The following STK36 variants were observed in gnomAD, a reference collection of about 807,000 sequenced individuals.
STK36 encodes the protein serine/threonine-protein kinase 36.
Under a neutral mutation model 142.2 loss-of-function variants are expected in STK36, and 116 were observed. The observed-to-expected ratio is 0.82, with a 90% CI of 0.70 to 0.95. STK36 has a LOEUF of 0.95. Among genes scored for constraint, STK36 ranks in the 40% least tolerant of loss-of-function variants. The pLI is 0.00. For synonymous variants in STK36, 619 were observed against 641.7 expected (o/e 0.96, Z 0.53); for missense variants, 1,422 against 1,617.2 (o/e 0.88, Z 2.07).
At chr2:218,684,133 CAG>C (rs1458683429) in intron 10 of STK36, among the ~76,000 whole-genome samples, 1 of 115,866 alleles carries the variant, frequency 8.6e-6, no homozygotes, top group Non-Finnish European at 1.7e-5. Flanking sequence ...TTTTTTGAGA[CAG>C]AGTTTCACTC....
At position 218,702,472 on chromosome 2, in the gene STK36, TGAG is replaced by T. The variant is rs1452241345; in HGVS notation, c.*465_*467del. 5 of 155,274 alleles carry T rather than the reference TGAG, an allele frequency of 3.2e-5. No homozygotes were observed. The highest frequency in any genetic ancestry group is 7.1e-5 in the Non-Finnish European group (5 of 70,268). The allele number at this position is 155,274 out of a possible 1,614,324, so 9.6% of individuals were successfully genotyped here. A position where few individuals can be genotyped will look rare whatever the true frequency, so the allele number is the denominator to read the frequency against. On this transcript the variant is annotated 3_prime_UTR_variant, in exon 27 of 27. Coordinates refer to ENST00000295709, the MANE Select transcript of STK36 (RefSeq NM_015690.5). ...GATCAATGCCATCAGTCCCTGTTAT[TGAG>T]GGATTATCCCTTAGCCAACATTCCT...
intron 4 of STK36, 51 bp from the exon 5 acceptor site, chr2:218,675,292 A>G (rs199811979): frequency 6.4e-7 from 1 of 1,574,590 alleles, no homozygotes; most frequent in Non-Finnish European, 8.6e-7. Context: ...CTTGTCAGCC[A>G]GCTGCTGTTT....
In STK36 at chr2:218,698,948, A is replaced by C. The variant is rs201218556; in HGVS notation, c.3404A>C (p.His1135Pro). 7.9e-5 allele frequency: 127 copies of C among 1,614,002 alleles called. No homozygotes were observed. The highest frequency in any genetic ancestry group is 1.6e-4 in the Middle Eastern group (1 of 6,084). Residue 1135 changes from histidine (H) to proline (P), a missense_variant, in exon 26 of 27, where the codon CAC (histidine) becomes CCC (proline). His to Pro is a moderately conservative substitution (Grantham distance 77). Around this residue, in one of 2 missense-constraint regions of STK36, gnomAD observed 962 missense variants for 1,167.5 expected, o/e 0.82. Coordinates refer to ENST00000295709, the MANE Select transcript of STK36 (RefSeq NM_015690.5). ...VRAHTYRLLGHLLQHSMALRG... is the reference protein window; with the variant it reads ...VRAHTYRLLGPLLQHSMALRG... ...GCACACACTTATAGGCTCCTGGGAC[A>C]CTTGCTCCAACACAGCATGGCCCTG...
At position 218,694,532 on chromosome 2, in the gene STK36, C is replaced by T. The variant is rs764771500; in HGVS notation, c.2408C>T (p.Ala803Val). 6.2e-7 allele frequency: 1 copy of T among 1,614,132 alleles called. No individual in the cohort carries two copies. Among genetic ancestry groups the T allele is most frequent in the South Asian group, 1.1e-5 (1 of 91,088 alleles). ...HSHVVSLVSA[A>V]ACLLGQLGQQ... ...CTTTTACCTCTCCCACAGAGTGCAG[C>T]AGCCTGTCTATTGGGACAGCTTGGT... The change falls in exon 21 of 27, where the codon GCA (alanine) becomes GTA (valine). Residue 803 changes from alanine to valine, a missense_variant. By Grantham distance (64) the Ala-to-Val change is moderately conservative. Transcript: ENST00000295709. This position sits in a 1 kb window ranked among gnomAD's most constrained non-coding sequence, Gnocchi z 4.4.
At chr2:218,672,443 A>G (rs910743922) in intron 1 of STK36, 19 of 289,446 alleles carry the variant, frequency 6.6e-5, no homozygotes, top group Non-Finnish European at 1.2e-4. Flanking sequence ...TGGGAGTGGC[A>G]GGAACTTGGG....
intron 12 of STK36, among the ~76,000 whole-genome samples, chr2:218,689,488 G>A (rs976939788): frequency 1.7e-4 from 26 of 152,178 alleles, no homozygotes; most frequent in African/African-American, 5.1e-4. Flanking sequence ...TGAGAGGATG[G>A]GGAATGTTTC....
intron 10 of STK36, among the ~76,000 whole-genome samples, chr2:218,681,912 G>A (rs1940537564): frequency 6.6e-6 from 1 of 151,998 alleles, no homozygotes; most frequent in South Asian, 2.1e-4. Context: ...TCAAACCATA[G>A]CAACACTTTT....
chr2:218,683,532 T>C (rs60718430), intron 10 of STK36, among the ~76,000 whole-genome samples: 9,175 of 152,128 alleles, frequency 0.06, 921 homozygotes, highest in African/African-American at 0.21. Context: ...CTCGGCCTCT[T>C]GAAGTGCTGG....
intron 25 of STK36, among the ~76,000 whole-genome samples, chr2:218,698,226 G>A (rs1941309299): frequency 6.6e-6 from 1 of 152,148 alleles, no homozygotes; most frequent in South Asian, 2.1e-4. Context: ...CCATCACCTG[G>A]TTCTGTTGGT....
intron 12 of STK36, 147 bp from the exon 13 acceptor site, chr2:218,689,712 A>G (rs147233221): frequency 5.2e-4 from 340 of 654,688 alleles, no homozygotes; most frequent in Non-Finnish European, 8.0e-4. Context: ...TGTTACCCCT[A>G]GAACTCTCTC....
intron 11 of STK36, among the ~76,000 whole-genome samples, chr2:218,687,224 T>A (rs1015561219): frequency 6.6e-6 from 1 of 152,266 alleles, no homozygotes; most frequent in African/African-American, 2.4e-5. Context: ...TTCTTTCTCA[T>A]AAGAGTGTCT....
Position 218,679,967 on chromosome 2 carries a change from G to A in STK36, c.1023G>A (p.Leu341=). Residue 341 remains leucine, a synonymous_variant, in exon 9 of 27, where the codon CTG becomes CTA. Transcript: ENST00000295709. The stretch of plus-strand genomic sequence containing the variant: ...AGGTGGCTCCTGGCACAGCCCCTCT[G>A]CCCAGACTCGGGGCCACTCCTCAGG... The part of the protein sequence containing the change: ...TSKVAPGTAP[L]PRLGATPQES... 1 of 1,614,196 alleles carries A rather than the reference G, an allele frequency of 6.2e-7. No homozygotes were observed. The highest frequency in any genetic ancestry group is 1.1e-5 in the South Asian group (1 of 91,084).
rs753051276 is a variant in STK36 at position 218,672,894 on chromosome 2, G to A, written c.65G>A (p.Arg22Gln). 3 of 1,613,952 alleles carry A rather than the reference G, an allele frequency of 1.9e-6. No homozygotes were observed. Among genetic ancestry groups the A allele is most frequent in the East Asian group, 2.2e-5 (1 of 44,876 alleles). Reference sequence around the variant, plus strand: ...TCTTTTGGGAGGGTGTACAAGGGTCGAAGAAAATACAGTGCTCAGGTGTTG... The same window carrying A: ...TCTTTTGGGAGGGTGTACAAGGGTCAAAGAAAATACAGTGCTCAGGTGTTG... Reference protein sequence around the residue: ...EGSFGRVYKGRRKYSAQVVAL... With the variant: ...EGSFGRVYKGQRKYSAQVVAL... The change falls in exon 2 of 27, where the codon CGA becomes CAA. Residue 22 changes from arginine (R) to glutamine (Q), a missense_variant. Physicochemically the swap from Arg to Gln is conservative, Grantham distance 43. Coordinates refer to ENST00000295709, the MANE Select transcript of STK36 (RefSeq NM_015690.5).
Position 218,685,199 on chromosome 2 carries a change from C to T in STK36, c.1351C>T (p.Gln451Ter). 1 of 1,614,186 alleles carries T rather than the reference C, an allele frequency of 6.2e-7. No homozygotes were observed. The highest frequency in any genetic ancestry group is 8.5e-7 in the Non-Finnish European group (1 of 1,180,036). ...LCNPDFCQRI[Q>*]SQLHEAGGQI... ...TAATCCTGACTTCTGCCAGCGCATC[C>T]AGAGTCAGCTGCATGAAGCTGGAGG... Residue 451 changes from glutamine (Q) to a stop codon, truncating the protein, a stop_gained, in exon 11 of 27, where the codon CAG (glutamine) becomes TAG (stop). Transcript: ENST00000295709. LOFTEE classifies it high-confidence loss of function.
intron 22 of STK36, 56 bp from the exon 23 acceptor site, chr2:218,696,980 AAGC>A: frequency 6.2e-7 from 1 of 1,605,156 alleles, no homozygotes; most frequent in Non-Finnish European, 8.5e-7. Context: ...GAATGAATAA[AAGC>A]ATTTGGATTC....
rs763845657 is a variant in STK36, at chr2:218,685,091, G to T, written c.1243G>T (p.Asp415Tyr). Residue 415 changes from aspartate to tyrosine, a missense_variant, in exon 11 of 27, where the codon GAC becomes TAC. Around this residue, in one of 2 missense-constraint regions of STK36, gnomAD observed 962 missense variants for 1,167.5 expected, o/e 0.82. Coordinates refer to ENST00000295709, the MANE Select transcript of STK36 (RefSeq NM_015690.5). Reference protein sequence around the residue: ...DVVDLENEEPDSDNEWQHLLE... With the variant: ...DVVDLENEEPYSDNEWQHLLE... Reference sequence around the variant, plus strand: ...TCACTCCCCTCTGCCTCAGGAGCCAGACAGTGACAATGAGTGGCAGCACCT... The same window carrying T: ...TCACTCCCCTCTGCCTCAGGAGCCATACAGTGACAATGAGTGGCAGCACCT... The T allele has an allele frequency of 6.2e-7, 1 of 1,613,976 alleles. No homozygotes were observed. Among genetic ancestry groups the T allele is most frequent in the Non-Finnish European group, 8.5e-7 (1 of 1,180,010 alleles).
chr2:218,678,645 A>G (rs1037560062), intron 6 of STK36, among the ~76,000 whole-genome samples: 4 of 152,234 alleles, frequency 2.6e-5, no homozygotes, highest in South Asian at 2.1e-4. Flanking sequence ...CTGTCTCCCT[A>G]TCTCTCCACC....
intron 11 of STK36, 21 bp downstream of exon 11, chr2:218,685,249 G>A: frequency 1.2e-6 from 2 of 1,614,054 alleles, no homozygotes; most frequent in East Asian, 2.2e-5. Context: ...GAAAGACACT[G>A]TGGATGGGAT....
chr2:218,679,583 G>A lies in STK36; in HGVS notation c.802G>A (p.Asp268Asn). 1 of 1,614,052 alleles carries A rather than the reference G, an allele frequency of 6.2e-7. No homozygotes were observed. The highest frequency in any genetic ancestry group is 2.2e-5 in the East Asian group (1 of 44,874). The stretch of plus-strand genomic sequence containing the variant: ...AGTAATAACTGAGCCAGCAGGCCCA[G>A]ATTTGGGGACCCCATTCACCAGCCG... ...VTIITEPAGPDLGTPFTSRLP... is the reference protein window; with the variant it reads ...VTIITEPAGPNLGTPFTSRLP... Residue 268 changes from aspartate to asparagine, a missense_variant, in exon 8 of 27, where the codon GAT (aspartate) becomes AAT (asparagine). Transcript: ENST00000295709.
Sources: allele counts gnomAD v4.1 joint callset (sites outside exome capture counted in the v4.1 genomes callset), GRCh38; gene constraint gnomAD v4.1.1; regional missense constraint gnomAD v4.1.1; non-coding constraint Gnocchi (gnomAD v3.1); transcripts MANE v1.5; gene names NCBI Gene and HGNC (gene_info 2026-07-23, HGNC 2026-07-21).